The following ITGA11 variants were observed in gnomAD, a reference collection of about 807,000 sequenced individuals.
ITGA11 encodes the protein integrin subunit alpha 11.
Under a neutral mutation model 141.9 loss-of-function variants are expected in ITGA11, and 97 were observed. The observed-to-expected ratio is 0.68, with a 90% confidence interval of 0.58 to 0.81. ITGA11 has a LOEUF of 0.81. Among genes scored for constraint, ITGA11 ranks in the 30% least tolerant of loss-of-function variants. ITGA11 has a pLI of 0.00. For synonymous variants in ITGA11, 658 were observed against 624.6 expected (o/e 1.05, Z -0.80); for missense variants, 1,387 against 1,559.2 (o/e 0.89, Z 1.86).
chr15:68,351,122 A>C (rs1894897666), intron 8 of ITGA11, 136 bp downstream of exon 8: 1 of 913,058 alleles, frequency 1.1e-6, no homozygotes, highest in African/African-American at 1.7e-5. Context: ...TGTTGTTCAG[A>C]AGATGAAATG....
At chr15:68,402,540 G>A (rs901025935) in intron 2 of ITGA11, among the ~76,000 whole-genome samples, 1 of 151,878 alleles carries the variant, frequency 6.6e-6, no homozygotes. Context: ...TCGCTGCCTG[G>A]GTTTCAGCTA....
Position 68,432,013 on chromosome 15 carries a change from A to G in ITGA11, c.52+2T>C, listed in dbSNP as rs1301255618. The G allele has an allele frequency of 1.1e-5, 14 of 1,325,630 alleles. No homozygotes were observed. Among genetic ancestry groups the G allele is most frequent in the Non-Finnish European group, 1.3e-5 (13 of 1,034,492 alleles). The allele number at this position is 1,325,630 out of a possible 1,614,324, so 82.1% of individuals were successfully genotyped here. A position where few individuals can be genotyped will look rare whatever the true frequency, so the allele number is the denominator to read the frequency against. On this transcript the variant is annotated splice_donor_variant, in intron 1 of 29. Coordinates refer to ENST00000315757, the MANE Select transcript of ITGA11 (RefSeq NM_001004439.2). LOFTEE classifies it high-confidence loss of function. ...AAGGGGAGGCAGAGGGTGGGCACCTACCTGGCCACAGGCTGAGCGCCCAGG... is the reference window on the plus strand; with the variant it reads ...AAGGGGAGGCAGAGGGTGGGCACCTGCCTGGCCACAGGCTGAGCGCCCAGG...
In ITGA11 at chr15:68,328,857, C is replaced by T. The variant is rs547031240; in HGVS notation, c.1902-595G>A. Among the ~76,000 whole-genome samples, 50 of 152,262 alleles carry T rather than the reference C, an allele frequency of 3.3e-4. No individual in the cohort carries two copies. Among genetic ancestry groups the T allele is most frequent in the African/African-American group, 1.2e-3 (48 of 41,544 alleles). ...CTTCGAAGAGCGAGGCGTTAAAGCA[C>T]CCCAGGTGATTCCAACGTGCAGCCA... On this transcript the variant is annotated intron_variant, in intron 15 of 29. Transcript: ENST00000315757. The surrounding 1 kb of genome is among the most constrained non-coding windows in gnomAD (Gnocchi z 4.8).
At chr15:68,329,690 T>C (rs1437050035) in intron 15 of ITGA11, among the ~76,000 whole-genome samples, 3 of 152,222 alleles carry the variant, frequency 2.0e-5, no homozygotes, top group Non-Finnish European at 4.4e-5. Flanking sequence ...CCATGCTTTC[T>C]TGGCTGGAAC....
chr15:68,323,085 G>A (rs1893862170), intron 18 of ITGA11, among the ~76,000 whole-genome samples: 1 of 152,148 alleles, frequency 6.6e-6, no homozygotes, highest in South Asian at 2.1e-4. Flanking sequence ...AACTTTTCTC[G>A]AAGGAGAGCT....
At chr15:68,411,002 G>A (rs974608536) in intron 1 of ITGA11, among the ~76,000 whole-genome samples, 6 of 152,202 alleles carry the variant, frequency 3.9e-5, no homozygotes, top group African/African-American at 1.4e-4. Context: ...GGGAGTGTGC[G>A]GTTCCGCCCC....
intron 1 of ITGA11, among the ~76,000 whole-genome samples, chr15:68,431,502 C>T (rs1218535573): frequency 1.3e-5 from 2 of 152,200 alleles, no homozygotes; most frequent in African/African-American, 2.4e-5. Context: ...AGGCACTCTG[C>T]GCAGCCCTCA....
At position 68,361,463 on chromosome 15, in the gene ITGA11, A is replaced by G. The variant is rs1160520442; in HGVS notation, c.472+127T>C. 6.2e-6 allele frequency: 4 copies of G among 641,270 alleles called. No individual in the cohort carries two copies. The East Asian group carries it at 1.1e-4, about 18-fold the overall frequency. The allele number at this position is 641,270 out of a possible 1,614,324, so 39.7% of individuals were successfully genotyped here. A position where few individuals can be genotyped will look rare whatever the true frequency, so the allele number is the denominator to read the frequency against. ...GAGTGATACATTCCAGGTCATCCGG[A>G]GAGCTGGGGCAGGACAGTGCTAGAG... is the stretch of plus-strand genomic sequence containing the variant. On this transcript the variant is annotated intron_variant, in intron 5 of 29. Transcript: ENST00000315757.
chr15:68,331,152 T>A, intron 14 of ITGA11, 41 bp from the exon 15 acceptor site: 3 of 1,521,472 alleles, frequency 2.0e-6, no homozygotes, highest in African/African-American at 1.4e-5. Context: ...ATGCACACTG[T>A]GAGTGTGGGG....
chr15:68,348,956 C>T, intron 9 of ITGA11, 56 bp from the exon 10 acceptor site: 1 of 1,469,474 alleles, frequency 6.8e-7, no homozygotes, highest in Non-Finnish European at 9.4e-7. Flanking sequence ...TAGCGCCAGA[C>T]AGATCTGCTG....
In ITGA11 at chr15:68,402,970, T is replaced by C. The variant is rs779189463; in HGVS notation, c.112A>G (p.Thr38Ala). ...TGCACTGTGTAGCCAAAGAAGGCGG[T>C]CCTGGAGCCAGGGATGACCCGGGGC... ...RKPRVIPGSR[T>A]AFFGYTVQQH... The change falls in exon 2 of 30, where the codon ACC becomes GCC. Residue 38 changes from threonine (T) to alanine (A), a missense_variant. Thr to Ala is a moderately conservative substitution (Grantham distance 58). Transcript: ENST00000315757. 1.9e-6 allele frequency: 3 copies of C among 1,613,840 alleles called. No homozygotes were observed. Among genetic ancestry groups the C allele is most frequent in the Non-Finnish European group, 8.5e-7 (1 of 1,179,814 alleles).
chr15:68,411,448 C>T (rs1005186306), intron 1 of ITGA11, among the ~76,000 whole-genome samples: 1 of 152,178 alleles, frequency 6.6e-6, no homozygotes, highest in Non-Finnish European at 1.5e-5. Context: ...AGGCAGAGCA[C>T]AGGAGACCAG....
At chr15:68,382,605 T>A (rs902794987) in intron 2 of ITGA11, among the ~76,000 whole-genome samples, 4 of 152,240 alleles carry the variant, frequency 2.6e-5, no homozygotes, top group Non-Finnish European at 5.9e-5. Context: ...GAGGCCAAGA[T>A]GAATAAAGGC....
chr15:68,361,910 A>G, intron 4 of ITGA11: 1 of 501,150 alleles, frequency 2.0e-6, no homozygotes, highest in Non-Finnish European at 3.6e-6. Context: ...TCTAATGGAG[A>G]AAAACTGATC....
In ITGA11 at chr15:68,369,202, A is replaced by C. The variant is rs1322033328; in HGVS notation, c.247T>G (p.Cys83Gly). 2 of 1,613,550 alleles carry C rather than the reference A, an allele frequency of 1.2e-6. No individual in the cohort carries two copies. Among genetic ancestry groups the C allele is most frequent in the East Asian group, 2.2e-5 (1 of 44,900 alleles). Residue 83 changes from cysteine (C) to glycine (G), a missense_variant, in exon 3 of 30, where the codon TGC becomes GGC. Physicochemically the swap from Cys to Gly is radical, Grantham distance 159. Transcript: ENST00000315757. The part of the protein sequence containing the change: ...VYKCPVIHGN[C>G]TKLNLGRVTL... ...ACGTTACCCAGGTTGAGTTTGGTGC[A>C]GTTCCCGTGGATCACTGGACACTTG...
intron 1 of ITGA11, among the ~76,000 whole-genome samples, chr15:68,410,725 A>ACCCTAG: frequency 6.6e-6 from 1 of 152,126 alleles, no homozygotes; most frequent in African/African-American, 2.4e-5. Flanking sequence ...GCAATGCTAG[A>ACCCTAG]TTTGGGAGCA....
rs1398682139 is a variant in ITGA11, at chr15:68,418,828, T to C, written c.52+13187A>G. Among the ~76,000 whole-genome samples the C allele has an allele frequency of 2.6e-5, 4 of 151,436 alleles. 1 individual carries two copies. The highest frequency in any genetic ancestry group is 3.9e-4 in the East Asian group (2 of 5,068). The stretch of plus-strand genomic sequence containing the variant: ...AACTCCTAAGCTTGTCTCCTGCTTG[T>C]CATGGGTGTGTGGATCAAGAGCCCT... On this transcript the variant is annotated intron_variant, in intron 1 of 29. Coordinates refer to ENST00000315757, the MANE Select transcript of ITGA11 (RefSeq NM_001004439.2).
rs1893291422 is a variant in ITGA11, at chr15:68,308,989, A to G, written c.3175-1293T>C. On this transcript the variant is annotated intron_variant, in intron 26 of 29. Transcript: ENST00000315757. The surrounding 1 kb of genome is among the most constrained non-coding windows in gnomAD (Gnocchi z 5.2). Reference sequence around the variant, plus strand: ...TAAAGTTGAGCAAAATTTCCGCTTGACGGGTGCCCAATCTGTTGCACCCAG... The same window carrying G: ...TAAAGTTGAGCAAAATTTCCGCTTGGCGGGTGCCCAATCTGTTGCACCCAG... Among the ~76,000 whole-genome samples, 1 of 152,252 alleles carries G rather than the reference A, an allele frequency of 6.6e-6. No individual in the cohort carries two copies. Among genetic ancestry groups the G allele is most frequent in the East Asian group, 1.9e-4 (1 of 5,202 alleles).
At position 68,308,033 on chromosome 15, in the gene ITGA11, A is replaced by G. The variant is rs1893258429; in HGVS notation, c.3175-337T>C. ...AGATAAAAAATTCTATGATCGCTGCAACAGATGCAGAAAAAGTATTTTAGG... is the reference window on the plus strand; with the variant it reads ...AGATAAAAAATTCTATGATCGCTGCGACAGATGCAGAAAAAGTATTTTAGG... On this transcript the variant is annotated intron_variant, in intron 26 of 29. Coordinates refer to ENST00000315757, the MANE Select transcript of ITGA11 (RefSeq NM_001004439.2). The surrounding 1 kb of genome is among the most constrained non-coding windows in gnomAD (Gnocchi z 5.2). Among the ~76,000 whole-genome samples, 1 of 152,230 alleles carries G rather than the reference A, an allele frequency of 6.6e-6. No individual in the cohort carries two copies. Among genetic ancestry groups the G allele is most frequent in the South Asian group, 2.1e-4 (1 of 4,838 alleles).
Sources: allele counts gnomAD v4.1 joint callset (sites outside exome capture counted in the v4.1 genomes callset), GRCh38; gene constraint gnomAD v4.1.1; non-coding constraint Gnocchi (gnomAD v3.1); transcripts MANE v1.5; gene names NCBI Gene and HGNC (gene_info 2026-07-23, HGNC 2026-07-21).